The following CELF5 variants were observed in gnomAD, a reference collection of about 807,000 sequenced individuals.
The protein encoded by CELF5 is CUG-BP and ETR-3 like factor 5.
CELF5 carries 6 observed loss-of-function variants against 54.9 expected under a neutral mutation model. That is an observed-to-expected ratio of 0.11 (90% CI 0.06 to 0.22). The LOEUF (loss-of-function observed/expected upper bound fraction) is 0.22, where lower values mean the gene tolerates loss of function less well. Among genes scored for constraint, CELF5 ranks in the 10% least tolerant of loss-of-function variants. The probability of loss-of-function intolerance (pLI) is 1.00; values close to 1 mark genes in which losing one functional copy is unlikely to be tolerated. For synonymous variants in CELF5, 271 were observed against 290.9 expected (o/e 0.93, Z 0.70); for missense variants, 401 against 678.6 (o/e 0.59, Z 4.54).
intron 1 of CELF5, among the ~76,000 whole-genome samples, chr19:3,234,722 C>A (rs2144990855): frequency 6.6e-6 from 1 of 152,194 alleles, no homozygotes; most frequent in African/African-American, 2.4e-5. Flanking sequence ...TCTCTCACAA[C>A]AACAACCGCA....
chr19:3,285,938 G>A lies in CELF5; in HGVS notation c.1103-4G>A, dbSNP rs748229522. The A allele has an allele frequency of 3.2e-6, 5 of 1,564,846 alleles. No homozygotes were observed. The highest frequency in any genetic ancestry group is 1.4e-5 in the African/African-American group (1 of 70,216). On this transcript the variant is annotated splice_polypyrimidine_tract_variant and splice_region_variant and intron_variant, in intron 9 of 12. Transcript: ENST00000292672. ...CGCCCTGTGTCTCGCTCCGGTCTCC[G>A]CAGCCATGTACCCCACCGCGGCCAT...
At chr19:3,226,476 A>ACACACACACACACAC (rs1555715644) in intron 1 of CELF5, among the ~76,000 whole-genome samples, 77 of 151,032 alleles carry the variant, frequency 5.1e-4, no homozygotes, top group South Asian at 8.4e-4. Flanking sequence ...ACACACACAC[A>ACACACACACACACAC]AAATTGGGCC....
chr19:3,228,982 T>C lies in CELF5; in HGVS notation c.259+3984T>C, dbSNP rs1917115691. Reference sequence around the variant, plus strand: ...TGTGGCTTCAAGCTGAGCGCGCCCCTCTCTGTGCCTCGTTTTCCCCTGCTG... The same window carrying C: ...TGTGGCTTCAAGCTGAGCGCGCCCCCCTCTGTGCCTCGTTTTCCCCTGCTG... On this transcript the variant is annotated intron_variant, in intron 1 of 12. Transcript: ENST00000292672. The surrounding 1 kb of genome is among the most constrained non-coding windows in gnomAD (Gnocchi z 6.0). Among the ~76,000 whole-genome samples the C allele has an allele frequency of 6.6e-6, 1 of 151,258 alleles. No individual in the cohort carries two copies. The highest frequency in any genetic ancestry group is 2.1e-4 in the South Asian group (1 of 4,810).
chr19:3,252,844 C>G (rs1487146778), intron 2 of CELF5, among the ~76,000 whole-genome samples: 2 of 152,064 alleles, frequency 1.3e-5, no homozygotes, highest in Non-Finnish European at 2.9e-5. Context: ...CTTAACCTCT[C>G]TGATCTTCAG....
chr19:3,231,510 A>C (rs1034628452), intron 1 of CELF5, among the ~76,000 whole-genome samples: 4 of 146,338 alleles, frequency 2.7e-5, no homozygotes, highest in Non-Finnish European at 4.5e-5. Flanking sequence ...GAATGGATTT[A>C]TGGATGGATG....
chr19:3,296,408 G>T (rs867560088), intron 12 of CELF5: 1 of 144,370 alleles, frequency 6.9e-6, no homozygotes, highest in Non-Finnish European at 1.5e-5. Context: ...CCGGAGGGGG[G>T]GCGGTAGGGT....
chr19:3,259,848 C>T lies in CELF5; in HGVS notation c.342+8781C>T, dbSNP rs143831117. 4.2e-3 allele frequency among the ~76,000 whole-genome samples: 637 copies of T among 152,150 alleles called. 4 individuals are homozygous for T. The highest frequency in any genetic ancestry group is 0.015 in the African/African-American group (616 of 41,516). ...CAGCACCCTGCAGTGCCCAGGATGG[C>T]CCGACTCCAGAGAACGATCCGGCCC... On this transcript the variant is annotated intron_variant, in intron 2 of 12. Transcript: ENST00000292672.
intron 2 of CELF5, among the ~76,000 whole-genome samples, chr19:3,255,744 C>T (rs2079715784): frequency 6.6e-6 from 1 of 152,160 alleles, no homozygotes; most frequent in South Asian, 2.1e-4. Context: ...ACTTTCTCCA[C>T]CTAACAGGCT....
chr19:3,290,152 T>C, intron 10 of CELF5, 79 bp from the exon 11 acceptor site: 1 of 1,134,162 alleles, frequency 8.8e-7, no homozygotes, highest in South Asian at 1.3e-5. Context: ...AGATGCGGGC[T>C]CCAGACCTGT....
rs769744337 is a variant in CELF5, at chr19:3,273,901, G to T, written c.372G>T (p.Ala124=). 1.2e-6 allele frequency: 2 copies of T among 1,613,738 alleles called. No individual in the cohort carries two copies. Among genetic ancestry groups the T allele is most frequent in the South Asian group, 2.2e-5 (2 of 91,068 alleles). ...GMARPIQVKP[A]DSESRGGRDR... ...CGCGGCCAATCCAGGTGAAGCCTGC[G>T]GACAGTGAAAGCCGCGGAGGTAGTT... Residue 124 remains alanine (A), a synonymous_variant, in exon 3 of 13, where the codon GCG becomes GCT. Transcript: ENST00000292672.
intron 10 of CELF5, among the ~76,000 whole-genome samples, chr19:3,287,138 G>A (rs895000367): frequency 2.0e-4 from 31 of 151,882 alleles, no homozygotes; most frequent in African/African-American, 7.5e-4. Flanking sequence ...GGATGGAGCT[G>A]CACGATGGAA....
At chr19:3,284,149 AT>A (rs1442906651) in intron 8 of CELF5, among the ~76,000 whole-genome samples, 1 of 151,694 alleles carries the variant, frequency 6.6e-6, no homozygotes, top group East Asian at 1.9e-4. Flanking sequence ...CACCCAGCTG[AT>A]TTCACGAGTT....
At chr19:3,260,441 A>G (rs1235627436) in intron 2 of CELF5, among the ~76,000 whole-genome samples, 1 of 150,690 alleles carries the variant, frequency 6.6e-6, no homozygotes, top group African/African-American at 2.4e-5. Flanking sequence ...CTGGCTAAAT[A>G]TATGTATGTA....
At chr19:3,235,542 ATGGGTGGATGAGTGGATGGG>A (rs1475697804) in intron 1 of CELF5, among the ~76,000 whole-genome samples, 1 of 456 alleles carries the variant, frequency 2.2e-3, no homozygotes, top group African/African-American at 8.8e-3. Context: ...GGGTGGGTGG[ATGGGTGGATGAGTGGATGGG>A]TGGATGGATG....
chr19:3,250,780 C>T (rs1417461489), intron 1 of CELF5, among the ~76,000 whole-genome samples: 2 of 152,206 alleles, frequency 1.3e-5, no homozygotes, highest in Non-Finnish European at 2.9e-5. Flanking sequence ...TCTCAAGGTG[C>T]ATCCATGTTG....
At position 3,278,193 on chromosome 19, in the gene CELF5, C is replaced by A. The variant is rs1312268959; in HGVS notation, c.603+83C>A. 7 of 973,718 alleles carry A rather than the reference C, an allele frequency of 7.2e-6. No individual in the cohort carries two copies. The highest frequency in any genetic ancestry group is 1.1e-5 in the Non-Finnish European group (7 of 644,728). 60.3% of individuals were successfully genotyped at this position (973,718 alleles called of 1,614,324 possible). On this transcript the variant is annotated intron_variant, in intron 5 of 12. Coordinates refer to ENST00000292672, the MANE Select transcript of CELF5 (RefSeq NM_021938.4). The surrounding 1 kb of genome is among the most constrained non-coding windows in gnomAD (Gnocchi z 4.5). The stretch of plus-strand genomic sequence containing the variant: ...AGGGATGAAACAGGCCATATTCCTA[C>A]CGTCGCTGTCATCCGGTAGCCCCTG...
chr19:3,240,967 C>T (rs1049968144), intron 1 of CELF5, among the ~76,000 whole-genome samples: 8 of 152,124 alleles, frequency 5.3e-5, no homozygotes, highest in African/African-American at 1.9e-4. Flanking sequence ...CTCATGTTCC[C>T]CAAGGATCCC....
intron 1 of CELF5, among the ~76,000 whole-genome samples, chr19:3,240,008 ACTT>A (rs1169939162): frequency 8.0e-6 from 1 of 124,240 alleles, no homozygotes; most frequent in East Asian, 3.4e-4. Flanking sequence ...CCTGCAACAC[ACTT>A]TTTTTTTTTT....
At chr19:3,243,807 T>C (rs2079524994) in intron 1 of CELF5, among the ~76,000 whole-genome samples, 2 of 152,108 alleles carry the variant, frequency 1.3e-5, no homozygotes, top group South Asian at 4.1e-4. Flanking sequence ...GTAGCGTTCC[T>C]TGTCTTGTAA....
Sources: allele counts gnomAD v4.1 joint callset (sites outside exome capture counted in the v4.1 genomes callset), GRCh38; gene constraint gnomAD v4.1.1; non-coding constraint Gnocchi (gnomAD v3.1); transcripts MANE v1.5; gene names NCBI Gene and HGNC (gene_info 2026-07-23, HGNC 2026-07-21).